Variants in MAST4 observed in about 807,000 individuals in gnomAD.
The protein encoded by MAST4 is microtubule-associated serine/threonine-protein kinase 4.
Under a neutral mutation model 162.7 loss-of-function variants are expected in MAST4, and 89 were observed. That is an observed-to-expected ratio of 0.55 (90% CI 0.46 to 0.65). MAST4 has a LOEUF of 0.65. Among genes scored for constraint, MAST4 ranks in the 30% least tolerant of loss-of-function variants. The probability of loss-of-function intolerance (pLI) is 0.00; values close to 1 mark genes in which losing one functional copy is unlikely to be tolerated. For synonymous variants in MAST4, 1,479 were observed against 1,361.1 expected (o/e 1.09, Z -1.91); for missense variants, 3,153 against 3,374.0 (o/e 0.93, Z 1.62).
At chr5:66,811,002 G>A (rs1756449400) in intron 3 of MAST4, among the ~76,000 whole-genome samples, 1 of 152,174 alleles carries the variant, frequency 6.6e-6, no homozygotes, top group Admixed American at 6.5e-5. Context: ...CTGTTTGCAG[G>A]AAAAACATCA....
chr5:67,144,556 A>G lies in MAST4; in HGVS notation c.2731-113A>G, dbSNP rs547784838. On this transcript the variant is annotated intron_variant, in intron 21 of 28. Coordinates refer to ENST00000403625, the MANE Select transcript of MAST4 (RefSeq NM_001164664.2). ...CTGGAAAGTACTTTCTGAATACACA[A>G]TATTAGTTCAGAATTTAGTTATCCT... 2.7e-4 allele frequency: 294 copies of G among 1,079,150 alleles called. 1 individual carries two copies. In the African/African-American group the frequency reaches 4.1e-3, roughly 15 times the overall value. 66.8% of individuals were successfully genotyped at this position (1,079,150 alleles called of 1,614,324 possible). A position where few individuals can be genotyped will look rare whatever the true frequency, so the allele number is the denominator to read the frequency against.
chr5:66,727,062 T>C (rs1751567722), intron 1 of MAST4, among the ~76,000 whole-genome samples: 1 of 151,970 alleles, frequency 6.6e-6, no homozygotes, highest in South Asian at 2.1e-4. Flanking sequence ...GAGGGGAACA[T>C]AGTGGCCAGG....
At chr5:67,085,479 C>T (rs1296962430) in intron 5 of MAST4, among the ~76,000 whole-genome samples, 1 of 152,124 alleles carries the variant, frequency 6.6e-6, no homozygotes, top group Non-Finnish European at 1.5e-5. Context: ...TTTGTTGGCT[C>T]AATCAGTCAA....
Position 67,149,327 on chromosome 5 carries a change from G to A in MAST4, c.3095-62G>A, listed in dbSNP as rs3797588. 8.3e-5 allele frequency: 122 copies of A among 1,465,750 alleles called. No homozygotes were observed. In the East Asian group the frequency reaches 1.6e-3, roughly 19 times the overall value. The allele number at this position is 1,465,750 out of a possible 1,614,324, so 90.8% of individuals were successfully genotyped here. On this transcript the variant is annotated intron_variant, in intron 23 of 28. Transcript: ENST00000403625. ...CTCTTCCTGCTGTCTCTCTCTTCCC[G>A]TCTTCCCACCTCTCCTATCCTGGAT...
intron 1 of MAST4, among the ~76,000 whole-genome samples, chr5:66,599,489 A>T (rs1055889920): frequency 6.6e-6 from 1 of 152,228 alleles, no homozygotes; most frequent in South Asian, 2.1e-4. Context: ...GAATAATAGC[A>T]TTAGAGTTAG....
chr5:66,924,123 T>C (rs1470205394), intron 4 of MAST4, among the ~76,000 whole-genome samples: 2 of 152,180 alleles, frequency 1.3e-5, no homozygotes, highest in African/African-American at 4.8e-5. Context: ...TCAGATTTGG[T>C]GCTGATCTGC....
chr5:66,685,034 G>T (rs1240315410), intron 1 of MAST4, among the ~76,000 whole-genome samples: 1 of 152,174 alleles, frequency 6.6e-6, no homozygotes, highest in African/African-American at 2.4e-5. Flanking sequence ...GGCCGAGGCA[G>T]GCAGATTGCT....
chr5:66,735,989 C>T (rs1356843943), intron 1 of MAST4, among the ~76,000 whole-genome samples: 1 of 152,176 alleles, frequency 6.6e-6, no homozygotes, highest in African/African-American at 2.4e-5. Flanking sequence ...TGATATGGAA[C>T]ATTTAATCTT....
At chr5:66,614,347 C>G (rs757006594) in intron 1 of MAST4, among the ~76,000 whole-genome samples, 2 of 152,186 alleles carry the variant, frequency 1.3e-5, no homozygotes, top group Non-Finnish European at 2.9e-5. Flanking sequence ...TACAACCATG[C>G]TATTAATCTT....
intron 5 of MAST4, 40 bp downstream of exon 5, chr5:67,054,532 T>C (rs2150560122): frequency 6.6e-7 from 1 of 1,520,796 alleles, no homozygotes; most frequent in East Asian, 2.3e-5. Context: ...TTTATTTCTT[T>C]ATTTGTTGGT....
intron 1 of MAST4, among the ~76,000 whole-genome samples, chr5:66,739,194 A>C (rs1481723705): frequency 1.3e-5 from 2 of 152,086 alleles, no homozygotes; most frequent in African/African-American, 4.8e-5. Flanking sequence ...GAAAATGGGG[A>C]AATGGCACAT....
intron 1 of MAST4, among the ~76,000 whole-genome samples, chr5:66,619,342 C>T (rs1384593295): frequency 6.6e-6 from 1 of 152,082 alleles, no homozygotes; most frequent in Non-Finnish European, 1.5e-5. Flanking sequence ...TTCACTCACT[C>T]GGAGCTGTCA....
chr5:67,133,450 G>A (rs1177686218), intron 16 of MAST4, 64 bp from the exon 17 acceptor site: 3 of 1,558,956 alleles, frequency 1.9e-6, no homozygotes, highest in Non-Finnish European at 1.8e-6. Context: ...GGGAAGGGAG[G>A]AAATGAAAAT....
chr5:66,650,767 A>G (rs1746167407), intron 1 of MAST4, among the ~76,000 whole-genome samples: 1 of 152,210 alleles, frequency 6.6e-6, no homozygotes, highest in Non-Finnish European at 1.5e-5. Context: ...TAACACAAAT[A>G]CATAACATGG....
chr5:67,019,561 A>T (rs1373335585), intron 4 of MAST4, among the ~76,000 whole-genome samples: 1 of 152,202 alleles, frequency 6.6e-6, no homozygotes, highest in Admixed American at 6.5e-5. Context: ...TTTTCTCCAT[A>T]GGGGAACAAT....
intron 2 of MAST4, among the ~76,000 whole-genome samples, chr5:66,774,995 C>CTGTGTGTG (rs33936607): frequency 2.3e-4 from 33 of 142,156 alleles, no homozygotes; most frequent in East Asian, 1.3e-3. Flanking sequence ...TATCCTTTTC[C>CTGTGTGTG]TGTGTGTGTG....
chr5:66,664,435 CAAAAAAAA>C (rs58704256), intron 1 of MAST4, among the ~76,000 whole-genome samples: 3 of 93,924 alleles, frequency 3.2e-5, no homozygotes, highest in South Asian at 6.7e-4. Flanking sequence ...AACTCCATTT[CAAAAAAAA>C]AAAAAAAAAG....
chr5:66,700,644 A>G (rs1355345245), intron 1 of MAST4, among the ~76,000 whole-genome samples: 1 of 151,790 alleles, frequency 6.6e-6, no homozygotes, highest in Non-Finnish European at 1.5e-5. Context: ...AGATCATGCC[A>G]TTGCATTCCA....
chr5:67,161,482 G>T (rs946126375), intron 27 of MAST4, among the ~76,000 whole-genome samples: 5 of 152,116 alleles, frequency 3.3e-5, no homozygotes, highest in Admixed American at 3.3e-4. Context: ...AATATATTTG[G>T]TTGCAAGGTA....
Sources: allele counts gnomAD v4.1 joint callset (sites outside exome capture counted in the v4.1 genomes callset), GRCh38; gene constraint gnomAD v4.1.1; transcripts MANE v1.5; gene names NCBI Gene and HGNC (gene_info 2026-07-23, HGNC 2026-07-21).